NRIP1: variants seen among roughly 807,000 people sequenced by gnomAD.
NRIP1 encodes the protein nuclear receptor interacting protein 1.
Under a neutral mutation model 75.0 loss-of-function variants are expected in NRIP1, and 28 were observed. The observed-to-expected ratio is 0.37, with a 90% CI of 0.28 to 0.51. The LOEUF (loss-of-function observed/expected upper bound fraction) is 0.51, where lower values mean the gene tolerates loss of function less well. Among genes scored for constraint, NRIP1 ranks in the 20% least tolerant of loss-of-function variants. The pLI, the probability that NRIP1 is intolerant of heterozygous loss-of-function variation, is 0.92. For missense variants in NRIP1, 1,435 were observed against 1,343.7 expected (o/e 1.07, Z -1.06); for synonymous variants, 526 against 487.6 (o/e 1.08, Z -1.04).
intron 1 of NRIP1, among the ~76,000 whole-genome samples, chr21:15,055,375 C>A (rs140804171): frequency 6.6e-6 from 1 of 152,168 alleles, no homozygotes; most frequent in Non-Finnish European, 1.5e-5. Context: ...TCCAAATGTA[C>A]GTAACATGTA....
At chr21:15,056,086 C>T (rs1043740174) in intron 1 of NRIP1, among the ~76,000 whole-genome samples, 1 of 152,004 alleles carries the variant, frequency 6.6e-6, no homozygotes, top group East Asian at 1.9e-4. Context: ...ATAGTCTACA[C>T]TAACTGTGTG....
upstream of NRIP1, chr21:15,065,118 C>G (rs1373544038): frequency 6.5e-6 from 1 of 152,796 alleles, no homozygotes. Context: ...TTCAGCTCTT[C>G]AGCCAAGTTT....
chr21:15,024,846 T>A (rs1340468698), intron 2 of NRIP1, among the ~76,000 whole-genome samples: 1 of 152,158 alleles, frequency 6.6e-6, no homozygotes. Context: ...TTTAAGTATA[T>A]AATGTACGAA....
chr21:14,998,909 T>C (rs2087791733), intron 3 of NRIP1, among the ~76,000 whole-genome samples: 1 of 152,202 alleles, frequency 6.6e-6, no homozygotes, highest in Admixed American at 6.5e-5. Flanking sequence ...TCAAAAGTTA[T>C]ATGCAAATGT....
chr21:15,057,496 G>C (rs1248760076), intron 1 of NRIP1, among the ~76,000 whole-genome samples: 1 of 152,188 alleles, frequency 6.6e-6, no homozygotes, highest in South Asian at 2.1e-4. Context: ...TCAGCGCTTT[G>C]AGAACTAGCA....
At chr21:15,056,747 T>G (rs2089316877) in intron 1 of NRIP1, among the ~76,000 whole-genome samples, 2 of 152,198 alleles carry the variant, frequency 1.3e-5, no homozygotes, top group Non-Finnish European at 2.9e-5. Flanking sequence ...GAAAATATTA[T>G]GTTTACACGT....
intron 3 of NRIP1, chr21:14,988,133 A>G (rs978982599): frequency 6.6e-6 from 1 of 152,264 alleles, no homozygotes; most frequent in Middle Eastern, 3.4e-3. Flanking sequence ...TGACTCTGCT[A>G]TTCAGTAGTG....
chr21:15,041,045 C>T lies in NRIP1; in HGVS notation c.-458+2450G>A, dbSNP rs1465216917. 1.3e-5 allele frequency among the ~76,000 whole-genome samples: 2 copies of T among 151,954 alleles called. 1 individual carries two copies. Among genetic ancestry groups the T allele is most frequent in the East Asian group, 3.9e-4 (2 of 5,190 alleles). ...ATGAAGGCTTATTTCTACCAAAAGA[C>T]CCAAAAAAGTTCACAGCAGCCTTAT... On this transcript the variant is annotated intron_variant, in intron 2 of 3. Coordinates refer to ENST00000318948, the MANE Select transcript of NRIP1 (RefSeq NM_003489.4).
chr21:15,035,600 A>C (rs2088814326), intron 2 of NRIP1, among the ~76,000 whole-genome samples: 1 of 140,782 alleles, frequency 7.1e-6, no homozygotes, highest in Non-Finnish European at 1.5e-5. Context: ...TCTGTTGCCC[A>C]GGCTGGAGTG....
chr21:15,063,349 G>A (rs1357808795), intron 1 of NRIP1, among the ~76,000 whole-genome samples: 1 of 152,152 alleles, frequency 6.6e-6, no homozygotes, highest in East Asian at 1.9e-4. Flanking sequence ...ACTCCAGGCG[G>A]CAACCGACAC....
Position 14,962,015 on chromosome 21 carries a change from T to TTATATATATATATATATATA in NRIP1, c.*2681_*2700dup, listed in dbSNP as rs58275735. On this transcript the variant is annotated 3_prime_UTR_variant, in exon 4 of 4. Transcript: ENST00000318948. Reference sequence around the variant, plus strand: ...AAGTCAATATATATATATATACATATTATATATATATATATATATATATAT... The same window carrying TTATATATATATATATATATA: ...AAGTCAATATATATATATATACATATTATATATATATATATATATATATATATATATATATATATATATAT... 7.1e-6 allele frequency: 1 copy of TTATATATATATATATATATA among 140,512 alleles called. No homozygotes were observed. Among genetic ancestry groups the TTATATATATATATATATATA allele is most frequent in the South Asian group, 2.2e-4 (1 of 4,474 alleles). 8.7% of individuals were successfully genotyped at this position (140,512 alleles called of 1,614,324 possible).
intron 3 of NRIP1, among the ~76,000 whole-genome samples, chr21:14,969,647 A>C (rs1174481257): frequency 6.6e-6 from 1 of 152,252 alleles, no homozygotes; most frequent in African/African-American, 2.4e-5. Context: ...TTAAGTTATC[A>C]GACCTGAAGC....
intron 2 of NRIP1, among the ~76,000 whole-genome samples, chr21:15,036,025 T>C (rs1274373549): frequency 6.6e-6 from 1 of 152,178 alleles, no homozygotes; most frequent in Non-Finnish European, 1.5e-5. Flanking sequence ...CATGCCCATG[T>C]TTTTAAAACA....
intron 2 of NRIP1, among the ~76,000 whole-genome samples, chr21:15,036,705 A>G (rs574388761): frequency 6.6e-6 from 1 of 152,300 alleles, no homozygotes; most frequent in South Asian, 2.1e-4. Flanking sequence ...TCCCCAATTC[A>G]GTCCCATTTA....
chr21:14,992,127 TC>T (rs1362562058), intron 3 of NRIP1: 1 of 152,526 alleles, frequency 6.6e-6, no homozygotes, highest in Non-Finnish European at 1.5e-5. Context: ...AGCCTGAAAC[TC>T]CTGGGCTCAA....
intron 3 of NRIP1, among the ~76,000 whole-genome samples, chr21:14,977,780 T>G (rs2087114706): frequency 6.6e-6 from 1 of 152,226 alleles, no homozygotes; most frequent in African/African-American, 2.4e-5. Flanking sequence ...TAACTTTCTT[T>G]GAAGTATTAT....
At position 14,968,354 on chromosome 21, in the gene NRIP1, C is replaced by G; in HGVS notation, c.-162G>C. ...ACATTCTGTCCAAGATTTCTTCTGG[C>G]AATGACAAGATAAATGCAGTCTGAC... On this transcript the variant is annotated 5_prime_UTR_variant, in exon 4 of 4. Transcript: ENST00000318948. 1.6e-6 allele frequency: 1 copy of G among 617,184 alleles called. No individual in the cohort carries two copies. Among genetic ancestry groups the G allele is most frequent in the African/African-American group, 1.9e-5 (1 of 53,984 alleles). The allele number at this position is 617,184 out of a possible 1,614,324, so 38.2% of individuals were successfully genotyped here.
At position 14,967,065 on chromosome 21, in the gene NRIP1, G is replaced by A. The variant is rs2086770957; in HGVS notation, c.1128C>T (p.Asn376=). ...LERNNIKQAA[N]NSLLLHLLKS... Reference sequence around the variant, plus strand: ...TAAGAAGATGTAAAAGCAAACTATTGTTAGCAGCTTGTTTTATATTGTTTC... The same window carrying A: ...TAAGAAGATGTAAAAGCAAACTATTATTAGCAGCTTGTTTTATATTGTTTC... Residue 376 remains asparagine (N), a synonymous_variant, in exon 4 of 4, where the codon AAC becomes AAT. Coordinates refer to ENST00000318948, the MANE Select transcript of NRIP1 (RefSeq NM_003489.4). The A allele has an allele frequency of 6.2e-7, 1 of 1,614,002 alleles. No homozygotes were observed. The highest frequency in any genetic ancestry group is 8.5e-7 in the Non-Finnish European group (1 of 1,180,010).
At position 15,008,008 on chromosome 21, in the gene NRIP1, T is replaced by TGAAATTAGGGTTAGG. The variant is rs567356365; in HGVS notation, c.-335+6335_-335+6336insCCTAACCCTAATTTC. Among the ~76,000 whole-genome samples the TGAAATTAGGGTTAGG allele has an allele frequency of 9.2e-5, 14 of 152,292 alleles. No individual in the cohort carries two copies. In the South Asian group the frequency reaches 2.9e-3, roughly 32 times the overall value. ...AGCCATCTTGGTATTCCGATCCAGC[T>TGAAATTAGGGTTAGG]GAAAGGTACACAACGCATTCCCAGA... On this transcript the variant is annotated intron_variant, in intron 3 of 3. Coordinates refer to ENST00000318948, the MANE Select transcript of NRIP1 (RefSeq NM_003489.4).
Sources: allele counts gnomAD v4.1 joint callset (sites outside exome capture counted in the v4.1 genomes callset), GRCh38; gene constraint gnomAD v4.1.1; transcripts MANE v1.5; gene names NCBI Gene and HGNC (gene_info 2026-07-23, HGNC 2026-07-21).